Variants in NRG3 observed in about 807,000 individuals in gnomAD.
NRG3 encodes the protein neuregulin 3.
Under a neutral mutation model 66.9 loss-of-function variants are expected in NRG3, and 31 were observed. The observed-to-expected ratio is 0.46, with a 90% CI of 0.35 to 0.63. NRG3 has a LOEUF of 0.63. Among genes scored for constraint, NRG3 ranks in the 20% least tolerant of loss-of-function variants. The pLI, the probability that NRG3 is intolerant of heterozygous loss-of-function variation, is 0.00. For synonymous variants in NRG3, 393 were observed against 359.4 expected (o/e 1.09, Z -1.06); for missense variants, 910 against 878.9 (o/e 1.04, Z -0.45).
intron 1 of NRG3, among the ~76,000 whole-genome samples, chr10:82,083,412 A>G (rs1222732530): frequency 2.0e-5 from 3 of 152,126 alleles, no homozygotes; most frequent in Admixed American, 6.6e-5. Context: ...ACATGAGCTT[A>G]CAGCATTCCT....
intron 2 of NRG3, among the ~76,000 whole-genome samples, chr10:82,363,939 G>C (rs913501034): frequency 1.3e-5 from 2 of 151,748 alleles, no homozygotes; most frequent in Non-Finnish European, 2.9e-5. Context: ...TGTCATGTTA[G>C]GTATAAAAAT....
chr10:82,545,290 A>G (rs1336389650), intron 2 of NRG3, among the ~76,000 whole-genome samples: 1 of 151,982 alleles, frequency 6.6e-6, no homozygotes, highest in African/African-American at 2.4e-5. Flanking sequence ...ATACACAGTC[A>G]TATTTCTTAA....
rs1458965434 is a variant in NRG3, at chr10:81,875,282, GC to G, written c.-58del. The stretch of plus-strand genomic sequence containing the variant: ...GCGCCCGCGCCCGCGCCCGGCCCGC[GC>G]GGCCCCATGCCTCTGCCGCGGCCCT... On this transcript the variant is annotated 5_prime_UTR_variant, in exon 1 of 9. The change creates a premature stop within an existing upstream ORF in the 5' untranslated region. Coordinates refer to ENST00000372141, the MANE Select transcript of NRG3 (RefSeq NM_001010848.4). The surrounding 1 kb of genome is among the most constrained non-coding windows in gnomAD (Gnocchi z 5.3). The G allele has an allele frequency of 4.1e-6, 4 of 976,902 alleles. No homozygotes were observed. In the African/African-American group the frequency reaches 7.1e-5, roughly 17 times the overall value. The allele number at this position is 976,902 out of a possible 1,614,324, so 60.5% of individuals were successfully genotyped here.
intron 2 of NRG3, among the ~76,000 whole-genome samples, chr10:82,605,515 A>T (rs2047915159): frequency 1.3e-5 from 2 of 152,036 alleles, no homozygotes; most frequent in South Asian, 2.1e-4. Flanking sequence ...ATTTGTAAGA[A>T]ATATTAGTTC....
At chr10:81,988,202 A>T (rs1211940774) in intron 1 of NRG3, among the ~76,000 whole-genome samples, 2 of 152,184 alleles carry the variant, frequency 1.3e-5, no homozygotes, top group African/African-American at 2.4e-5. Flanking sequence ...TTTCTTAAGT[A>T]AATGGTCTAG....
intron 6 of NRG3, among the ~76,000 whole-genome samples, chr10:82,962,764 G>A (rs184630868): frequency 1.3e-5 from 2 of 152,116 alleles, no homozygotes; most frequent in Non-Finnish European, 2.9e-5. Context: ...GCTTGAACCC[G>A]GGAGGCAGAG....
intron 1 of NRG3, chr10:82,232,659 C>A (rs565877545): frequency 1.5e-6 from 1 of 684,244 alleles, no homozygotes; most frequent in South Asian, 1.6e-5. Context: ...GTTTTGTATA[C>A]ATTTATGAGA....
At chr10:82,103,207 A>AT (rs1168643461) in intron 1 of NRG3, among the ~76,000 whole-genome samples, 4 of 151,754 alleles carry the variant, frequency 2.6e-5, no homozygotes, top group Non-Finnish European at 4.4e-5. Flanking sequence ...CAGAGTCATG[A>AT]TTTTTTCATT....
intron 2 of NRG3, among the ~76,000 whole-genome samples, chr10:82,643,787 A>T (rs1215036130): frequency 1.3e-5 from 2 of 151,838 alleles, no homozygotes; most frequent in Non-Finnish European, 1.5e-5. Flanking sequence ...CCCTGGGCTA[A>T]TCCTGGGTTC....
At chr10:82,051,757 G>C (rs907730066) in intron 1 of NRG3, among the ~76,000 whole-genome samples, 1 of 151,974 alleles carries the variant, frequency 6.6e-6, no homozygotes, top group African/African-American at 2.4e-5. Flanking sequence ...ATAATGAGAG[G>C]ACATCATTAT....
intron 1 of NRG3, among the ~76,000 whole-genome samples, chr10:82,010,935 C>G (rs1278640299): frequency 6.6e-6 from 1 of 152,142 alleles, no homozygotes; most frequent in Admixed American, 6.6e-5. Context: ...CTTAAGATTT[C>G]AAAACAAAAC....
chr10:82,746,798 G>T (rs778552163), intron 3 of NRG3, among the ~76,000 whole-genome samples: 6 of 152,050 alleles, frequency 3.9e-5, no homozygotes, highest in African/African-American at 1.4e-4. Context: ...TACAAAATTA[G>T]GATTGGCTGG....
At chr10:82,819,902 C>T (rs1244648753) in intron 3 of NRG3, among the ~76,000 whole-genome samples, 2 of 152,134 alleles carry the variant, frequency 1.3e-5, no homozygotes, top group East Asian at 1.9e-4. Flanking sequence ...TGAAAAGCAT[C>T]CTCCATGGAT....
intron 3 of NRG3, among the ~76,000 whole-genome samples, chr10:82,785,014 A>G (rs965726500): frequency 6.6e-6 from 1 of 152,230 alleles, no homozygotes; most frequent in African/African-American, 2.4e-5. Flanking sequence ...ACCATGGAAT[A>G]CTATGCAGCC....
intron 4 of NRG3, among the ~76,000 whole-genome samples, chr10:82,888,465 C>G (rs17101024): frequency 0.042 from 6,347 of 152,128 alleles, 173 homozygotes; most frequent in Middle Eastern, 0.099. Flanking sequence ...TAAAAAATCC[C>G]CAGACCTTCT....
intron 4 of NRG3, among the ~76,000 whole-genome samples, chr10:82,892,433 G>A (rs1843238006): frequency 6.6e-6 from 1 of 152,166 alleles, no homozygotes; most frequent in Non-Finnish European, 1.5e-5. Flanking sequence ...GGAGACCAAG[G>A]TGGGAGGATC....
chr10:82,958,063 A>G (rs886542897), intron 5 of NRG3, among the ~76,000 whole-genome samples: 1 of 152,198 alleles, frequency 6.6e-6, no homozygotes, highest in African/African-American at 2.4e-5. Flanking sequence ...GTCATTCCGC[A>G]TGTGCACACA....
intron 2 of NRG3, among the ~76,000 whole-genome samples, chr10:82,548,523 TCA>T (rs59459683): frequency 0.27 from 37,603 of 139,162 alleles, 5,361 homozygotes; most frequent in East Asian, 0.5. Context: ...ATTCTGTCTC[TCA>T]CACACACACA....
intron 2 of NRG3, among the ~76,000 whole-genome samples, chr10:82,411,364 C>T (rs896727458): frequency 1.3e-5 from 2 of 152,086 alleles, no homozygotes; most frequent in African/African-American, 2.4e-5. Flanking sequence ...TTTTTGTCTA[C>T]CTTAATTCAA....
Sources: allele counts gnomAD v4.1 joint callset (sites outside exome capture counted in the v4.1 genomes callset), GRCh38; gene constraint gnomAD v4.1.1; non-coding constraint Gnocchi (gnomAD v3.1); transcripts MANE v1.5; gene names NCBI Gene and HGNC (gene_info 2026-07-23, HGNC 2026-07-21).